The following ZNF609 variants were observed in gnomAD, a reference collection of about 807,000 sequenced individuals.
ZNF609 encodes the protein zinc finger protein 609.
A neutral mutation model predicts 109.5 loss-of-function variants in ZNF609; 11 were observed. That is an observed-to-expected ratio of 0.10 (90% CI 0.06 to 0.17). ZNF609 has a LOEUF of 0.17. ZNF609 is among the 10% of genes least tolerant of loss of function. The probability of loss-of-function intolerance (pLI) is 1.00; values close to 1 mark genes in which losing one functional copy is unlikely to be tolerated. For missense variants in ZNF609, 1,559 were observed against 1,772.4 expected (o/e 0.88, Z 2.16); for synonymous variants, 646 against 662.0 (o/e 0.98, Z 0.37).
chr15:64,641,272 C>CA (rs1329962308), intron 3 of ZNF609, among the ~76,000 whole-genome samples: 1 of 127,362 alleles, frequency 7.9e-6, no homozygotes, highest in Non-Finnish European at 1.6e-5. Context: ...GGCTGGAGTG[C>CA]AATGGCATGA....
rs185254428 is a variant in ZNF609, at chr15:64,601,313, G to A, written c.748-21514G>A. Among the ~76,000 whole-genome samples the A allele has an allele frequency of 3.9e-5, 6 of 152,188 alleles. No individual in the cohort carries two copies. In the East Asian group the frequency reaches 7.7e-4, roughly 20 times the overall value. ...GTGGACAGTATGCTAAGTGGTCTAC[G>A]GGTCTCATCTCTTCTATTCCTAACA... is the stretch of plus-strand genomic sequence containing the variant. On this transcript the variant is annotated intron_variant, in intron 2 of 9. Transcript: ENST00000326648.
At chr15:64,636,994 CAGCACCTAGATG>C (rs1175355304) in intron 3 of ZNF609, among the ~76,000 whole-genome samples, 1 of 152,140 alleles carries the variant, frequency 6.6e-6, no homozygotes, top group Non-Finnish European at 1.5e-5. Flanking sequence ...CATGTGATAC[CAGCACCTAGATG>C]AGGAAACACA....
chr15:64,555,164 A>G (rs938684796), intron 2 of ZNF609, among the ~76,000 whole-genome samples: 6 of 152,080 alleles, frequency 3.9e-5, no homozygotes, highest in Non-Finnish European at 2.9e-5. Context: ...CAGGAGTTCA[A>G]GACTGGCCTA....
At chr15:64,680,383 G>A (rs1390948546) in intron 7 of ZNF609, 23 bp downstream of exon 7, 1 of 1,610,592 alleles carries the variant, frequency 6.2e-7, no homozygotes, top group East Asian at 2.2e-5. Context: ...CAGTGATGCT[G>A]GCTGTTACCC....
intron 2 of ZNF609, among the ~76,000 whole-genome samples, chr15:64,515,232 G>C (rs963322405): frequency 6.6e-6 from 1 of 152,168 alleles, no homozygotes; most frequent in Non-Finnish European, 1.5e-5. Context: ...CAAAATTGCT[G>C]TTACTGCCTA....
intron 2 of ZNF609, among the ~76,000 whole-genome samples, chr15:64,540,595 G>A (rs919713229): frequency 4.0e-5 from 6 of 151,418 alleles, no homozygotes; most frequent in African/African-American, 1.2e-4. Flanking sequence ...TAGTAGAGAC[G>A]GGGTTTCACC....
intron 3 of ZNF609, chr15:64,653,034 T>G (rs1326258136): frequency 5.2e-5 from 8 of 152,402 alleles, no homozygotes; most frequent in African/African-American, 1.7e-4. Context: ...ACAGAATGTG[T>G]ACTGTGGCTC....
chr15:64,598,778 A>ATC, intron 2 of ZNF609, among the ~76,000 whole-genome samples: 1 of 134,882 alleles, frequency 7.4e-6, no homozygotes, highest in Non-Finnish European at 1.6e-5. Flanking sequence ...ATATATATAT[A>ATC]TATATATATC....
intron 2 of ZNF609, among the ~76,000 whole-genome samples, chr15:64,568,531 G>C (rs1225633978): frequency 6.6e-6 from 1 of 152,142 alleles, no homozygotes; most frequent in Admixed American, 6.5e-5. Flanking sequence ...ATATTCTGAT[G>C]ATTTCCATGC....
chr15:64,570,459 T>C (rs1201392079), intron 2 of ZNF609, among the ~76,000 whole-genome samples: 1 of 152,188 alleles, frequency 6.6e-6, no homozygotes, highest in East Asian at 1.9e-4. Flanking sequence ...TTCTAATCAA[T>C]CAAGATTCTT....
At chr15:64,545,336 C>G (rs904113064) in intron 2 of ZNF609, among the ~76,000 whole-genome samples, 3 of 152,012 alleles carry the variant, frequency 2.0e-5, no homozygotes, top group Non-Finnish European at 4.4e-5. Flanking sequence ...GTAGCTGGAA[C>G]TATAGGCTCA....
chr15:64,568,006 C>T (rs1328522985), intron 2 of ZNF609, among the ~76,000 whole-genome samples: 1 of 152,058 alleles, frequency 6.6e-6, no homozygotes, highest in East Asian at 1.9e-4. Flanking sequence ...TAATTTTAAA[C>T]ATACAGAAAA....
At chr15:64,607,168 A>T (rs1427324228) in intron 2 of ZNF609, among the ~76,000 whole-genome samples, 2 of 68,950 alleles carry the variant, frequency 2.9e-5, no homozygotes, top group Admixed American at 4.1e-4. Context: ...TAAAGTAAAA[A>T]ATAAATAAAT....
At chr15:64,653,694 GTT>G (rs1896449485) in intron 3 of ZNF609, among the ~76,000 whole-genome samples, 1 of 152,102 alleles carries the variant, frequency 6.6e-6, no homozygotes, top group Non-Finnish European at 1.5e-5. Flanking sequence ...GCAATGACAT[GTT>G]TATTCAACCC....
chr15:64,614,416 A>G (rs895523750), intron 2 of ZNF609, among the ~76,000 whole-genome samples: 15 of 151,554 alleles, frequency 9.9e-5, no homozygotes, highest in African/African-American at 3.6e-4. Context: ...TTTTATTTTT[A>G]GTAGAGATGG....
chr15:64,478,158 GTGTGT>G (rs1893199121), intron 1 of ZNF609, among the ~76,000 whole-genome samples: 1 of 81,372 alleles, frequency 1.2e-5, no homozygotes, highest in African/African-American at 1.3e-4. Flanking sequence ...GAATAAAGGT[GTGTGT>G]GTGTGTGTGT....
intron 2 of ZNF609, among the ~76,000 whole-genome samples, chr15:64,582,328 C>T (rs568729725): frequency 6.6e-6 from 1 of 152,248 alleles, no homozygotes; most frequent in East Asian, 1.9e-4. Flanking sequence ...TAGATCTAGT[C>T]AATTAGAGCT....
At chr15:64,601,167 C>T (rs1895491741) in intron 2 of ZNF609, among the ~76,000 whole-genome samples, 1 of 152,088 alleles carries the variant, frequency 6.6e-6, no homozygotes, top group South Asian at 2.1e-4. Context: ...TTTTATTTTA[C>T]AATAAAGCCC....
chr15:64,575,352 A>T (rs1249567982), intron 2 of ZNF609, among the ~76,000 whole-genome samples: 1 of 151,960 alleles, frequency 6.6e-6, no homozygotes, highest in African/African-American at 2.4e-5. Context: ...TGAACCTGGG[A>T]GGCGGAGGTT....
Sources: gnomAD v4.1 joint callset for allele counts (sites outside exome capture counted in the v4.1 genomes callset) on GRCh38, gnomAD v4.1.1 for gene constraint, MANE v1.5 for transcripts, NCBI Gene and HGNC (gene_info 2026-07-23, HGNC 2026-07-21) for gene names.